MACROD2: variants seen among roughly 807,000 people sequenced by gnomAD.
MACROD2 encodes the protein mono-ADP ribosylhydrolase 2.
In MACROD2, 36 loss-of-function variants were observed where a neutral mutation model predicts 70.4. The observed-to-expected ratio is 0.51, with a 90% confidence interval of 0.39 to 0.68. MACROD2 has a LOEUF of 0.68. Among genes scored for constraint, MACROD2 ranks in the 30% least tolerant of loss-of-function variants. MACROD2 has a pLI of 0.00. For synonymous variants in MACROD2, 172 were observed against 178.8 expected (o/e 0.96, Z 0.30); for missense variants, 496 against 538.4 (o/e 0.92, Z 0.78).
At chr20:15,577,498 A>G (rs1289932152) in intron 8 of MACROD2, among the ~76,000 whole-genome samples, 3 of 152,206 alleles carry the variant, frequency 2.0e-5, no homozygotes, top group East Asian at 1.9e-4. Flanking sequence ...ATATTCTGCC[A>G]GTACAAGCTT....
chr20:15,058,274 A>G (rs369871), intron 5 of MACROD2, among the ~76,000 whole-genome samples: 68,348 of 151,866 alleles, frequency 0.45, 16,268 homozygotes, highest in Admixed American at 0.52. Flanking sequence ...ATGCTCTTAC[A>G]GTTTCTTCAT....
intron 5 of MACROD2, among the ~76,000 whole-genome samples, chr20:14,704,356 C>T (rs1383845373): frequency 6.6e-6 from 1 of 152,066 alleles, no homozygotes; most frequent in Non-Finnish European, 1.5e-5. Flanking sequence ...GTGTAAATAG[C>T]CCAGCTCACT....
At chr20:14,193,333 G>A (rs902576058) in intron 3 of MACROD2, among the ~76,000 whole-genome samples, 4 of 152,154 alleles carry the variant, frequency 2.6e-5, no homozygotes, top group East Asian at 1.9e-4. Flanking sequence ...CTGAAAATTA[G>A]CTGCTTTTAT....
intron 8 of MACROD2, among the ~76,000 whole-genome samples, chr20:15,705,350 G>A (rs6043467): frequency 2.0e-5 from 3 of 152,092 alleles, no homozygotes; most frequent in Non-Finnish European, 2.9e-5. Flanking sequence ...CAAAAGTTGA[G>A]GATCACCAGT....
chr20:15,861,236 C>T (rs1411954511), intron 8 of MACROD2, among the ~76,000 whole-genome samples: 2 of 152,194 alleles, frequency 1.3e-5, no homozygotes, highest in African/African-American at 4.8e-5. Context: ...TATCCTTTTG[C>T]AACTTGTTGC....
At chr20:15,614,370 T>C (rs1391431465) in intron 8 of MACROD2, among the ~76,000 whole-genome samples, 4 of 152,228 alleles carry the variant, frequency 2.6e-5, no homozygotes, top group Non-Finnish European at 5.9e-5. Flanking sequence ...TTGCTTGCTG[T>C]GTTTCCTAGC....
intron 15 of MACROD2, among the ~76,000 whole-genome samples, chr20:15,992,214 AG>A (rs1205689822): frequency 6.6e-6 from 1 of 152,276 alleles, no homozygotes; most frequent in East Asian, 1.9e-4. Context: ...AAAGTTATGC[AG>A]GCCTCTTGAG....
chr20:14,048,445 A>G (rs1206593368), intron 2 of MACROD2, among the ~76,000 whole-genome samples: 1 of 152,150 alleles, frequency 6.6e-6, no homozygotes, highest in Non-Finnish European at 1.5e-5. Flanking sequence ...GATAAAACAA[A>G]AATGAGTTTC....
intron 8 of MACROD2, among the ~76,000 whole-genome samples, chr20:15,544,240 G>C (rs2047997630): frequency 6.6e-6 from 1 of 152,152 alleles, no homozygotes; most frequent in African/African-American, 2.4e-5. Context: ...TTTAGTACCT[G>C]GCTATGGCGT....
At chr20:15,608,990 T>G (rs1411177461) in intron 8 of MACROD2, among the ~76,000 whole-genome samples, 3 of 152,210 alleles carry the variant, frequency 2.0e-5, no homozygotes, top group Non-Finnish European at 2.9e-5. Flanking sequence ...GGGCTCTTCT[T>G]TTTGTTTCTG....
intron 15 of MACROD2, among the ~76,000 whole-genome samples, chr20:16,040,672 G>A (rs1056611627): frequency 2.0e-5 from 3 of 151,920 alleles, no homozygotes; most frequent in Admixed American, 1.3e-4. Context: ...TCAGCAATCC[G>A]AAATGGCAGC....
intron 5 of MACROD2, among the ~76,000 whole-genome samples, chr20:15,131,525 T>C (rs1461708071): frequency 6.6e-6 from 1 of 152,084 alleles, no homozygotes; most frequent in African/African-American, 2.4e-5. Context: ...AGAATAATCA[T>C]TGATATCATT....
intron 5 of MACROD2, among the ~76,000 whole-genome samples, chr20:15,068,164 A>G (rs775598912): frequency 1.3e-5 from 2 of 152,146 alleles, no homozygotes; most frequent in Non-Finnish European, 2.9e-5. Context: ...CAGTCTTCTG[A>G]TAATATCATG....
chr20:14,497,744 T>C (rs2084870134), intron 4 of MACROD2, among the ~76,000 whole-genome samples: 2 of 151,778 alleles, frequency 1.3e-5, no homozygotes, highest in Admixed American at 1.3e-4. Flanking sequence ...GCCATTTTAA[T>C]CATATATACA....
At chr20:14,348,523 T>G (rs2083087565) in intron 3 of MACROD2, among the ~76,000 whole-genome samples, 1 of 151,882 alleles carries the variant, frequency 6.6e-6, no homozygotes, top group Non-Finnish European at 1.5e-5. Flanking sequence ...CTTCAACTTG[T>G]CTTTTATGAA....
At chr20:15,289,646 T>A (rs1027255625) in intron 6 of MACROD2, among the ~76,000 whole-genome samples, 1 of 152,180 alleles carries the variant, frequency 6.6e-6, no homozygotes, top group African/African-American at 2.4e-5. Context: ...AAATGAAATT[T>A]TATTATTTTT....
At chr20:15,172,177 G>A (rs1197917205) in intron 5 of MACROD2, among the ~76,000 whole-genome samples, 1 of 151,990 alleles carries the variant, frequency 6.6e-6, no homozygotes, top group East Asian at 1.9e-4. Context: ...TAGTTACCAG[G>A]GATCCCAAAA....
At chr20:14,964,527 C>T (rs1352355576) in intron 5 of MACROD2, among the ~76,000 whole-genome samples, 19 of 151,714 alleles carry the variant, frequency 1.3e-4, no homozygotes, top group Non-Finnish European at 4.4e-5. Flanking sequence ...GAGCCGAGAT[C>T]GCGCCACTGC....
At chr20:14,630,741 T>TA (rs1052370981) in intron 4 of MACROD2, among the ~76,000 whole-genome samples, 7 of 152,148 alleles carry the variant, frequency 4.6e-5, no homozygotes, top group Non-Finnish European at 1.0e-4. Flanking sequence ...AAATTTAAAT[T>TA]AAAAAAATAT....
Sources: gnomAD v4.1 joint callset for allele counts (sites outside exome capture counted in the v4.1 genomes callset) on GRCh38, gnomAD v4.1.1 for gene constraint, MANE v1.5 for transcripts, NCBI Gene and HGNC (gene_info 2026-07-23, HGNC 2026-07-21) for gene names.